Variants in DGKH observed in about 807,000 individuals in gnomAD.
The protein encoded by DGKH is diacylglycerol kinase eta, also known as DAG kinase eta.
Under a neutral mutation model 159.3 loss-of-function variants are expected in DGKH, and 90 were observed. The ratio of observed to expected loss-of-function variants is 0.57; its 90% CI spans 0.48 to 0.67. DGKH has a LOEUF of 0.67. Among genes scored for constraint, DGKH ranks in the 30% least tolerant of loss-of-function variants. DGKH has a pLI of 0.00. For synonymous variants in DGKH, 536 were observed against 553.8 expected, an observed-to-expected ratio of 0.97 and a Z score of 0.45; for missense variants, 1,181 against 1,506.1, an observed-to-expected ratio of 0.78 and a Z score of 3.57.
At chr13:42,070,466 G>A (rs1882888712) in intron 1 of DGKH, 3 of 1,285,798 alleles carry the variant, frequency 2.3e-6, no homozygotes, top group Non-Finnish European at 3.4e-6. Flanking sequence ...AATGGCTTTA[G>A]TATAATTATT....
In DGKH at chr13:42,230,138, C is replaced by G. The variant is rs1958249402; in HGVS notation, c.*950C>G. 1 of 151,928 alleles carries G rather than the reference C, an allele frequency of 6.6e-6. No homozygotes were observed. Among genetic ancestry groups the G allele is most frequent in the Non-Finnish European group, 1.5e-5 (1 of 67,956 alleles). The allele number at this position is 151,928 out of a possible 1,614,324, so 9.4% of individuals were successfully genotyped here. Reference sequence around the variant, plus strand: ...AAACCAAAATTTCCACATTTTGTTTCTAATTTTTAATTTCAATTTAATAAT... The same window carrying G: ...AAACCAAAATTTCCACATTTTGTTTGTAATTTTTAATTTCAATTTAATAAT... On this transcript the variant is annotated 3_prime_UTR_variant, in exon 30 of 30. Coordinates refer to ENST00000337343, the MANE Select transcript of DGKH (RefSeq NM_178009.5).
chr13:42,179,125 T>C lies in DGKH; in HGVS notation c.1538+905T>C, dbSNP rs80014698. 3.6e-3 allele frequency among the ~76,000 whole-genome samples: 547 copies of C among 152,326 alleles called. 8 individuals carry two copies. The East Asian group carries it at 0.048, about 13-fold the overall frequency. ...ATTCCCCAGAAATAGGAAGCAGGAC[T>C]GCACAACAGGAAAAGAATTGAATGG... On this transcript the variant is annotated intron_variant, in intron 13 of 29. Transcript: ENST00000337343.
intron 1 of DGKH, among the ~76,000 whole-genome samples, chr13:42,053,536 GTA>G (rs898503033): frequency 5.8e-5 from 3 of 51,878 alleles, no homozygotes; most frequent in Non-Finnish European, 1.2e-4. Context: ...AACTATATAT[GTA>G]TATATATAAC....
chr13:42,060,564 A>C (rs1282148619), intron 1 of DGKH, among the ~76,000 whole-genome samples: 3 of 152,158 alleles, frequency 2.0e-5, no homozygotes, highest in African/African-American at 7.2e-5. Context: ...CTCGTATAGA[A>C]GGGATTGACT....
intron 30 of DGKH, chr13:42,256,125 C>T (rs954194780): frequency 4.2e-6 from 5 of 1,179,128 alleles, no homozygotes; most frequent in Non-Finnish European, 6.4e-6. Context: ...GTGAACCCTA[C>T]TCAGTGTGAA....
chr13:42,078,498 C>G (rs1022879614), intron 1 of DGKH, among the ~76,000 whole-genome samples: 36 of 152,286 alleles, frequency 2.4e-4, no homozygotes, highest in African/African-American at 7.5e-4. Flanking sequence ...TCACTTTCAC[C>G]TTTCAAATCT....
At chr13:42,227,110 G>T (rs1958153039) in intron 29 of DGKH, among the ~76,000 whole-genome samples, 1 of 152,108 alleles carries the variant, frequency 6.6e-6, no homozygotes, top group Non-Finnish European at 1.5e-5. Context: ...CTGTTGTGGG[G>T]GCAGAAGGAG....
At chr13:42,123,937 T>C (rs1163088924) in intron 1 of DGKH, among the ~76,000 whole-genome samples, 1 of 152,210 alleles carries the variant, frequency 6.6e-6, no homozygotes, top group African/African-American at 2.4e-5. Context: ...GTGGCGAATA[T>C]GTTCAGTATC....
intron 3 of DGKH, 110 bp from the exon 4 acceptor site, chr13:42,155,180 TA>T: frequency 1.2e-6 from 1 of 843,664 alleles, no homozygotes; most frequent in Non-Finnish European, 1.8e-6. Context: ...TACAAAAACG[TA>T]AGAAATAAAG....
intron 1 of DGKH, among the ~76,000 whole-genome samples, chr13:42,065,680 G>A (rs780468129): frequency 3.3e-5 from 5 of 152,126 alleles, no homozygotes; most frequent in Non-Finnish European, 7.4e-5. Flanking sequence ...AGGGAGAGGC[G>A]AATATGAGCA....
intron 1 of DGKH, among the ~76,000 whole-genome samples, chr13:42,071,570 A>G (rs1167529050): frequency 5.3e-5 from 8 of 152,148 alleles, no homozygotes; most frequent in Non-Finnish European, 8.8e-5. Context: ...GGTAAGCACT[A>G]TTTGCGTTTT....
chr13:42,090,512 A>G (rs545226818), intron 1 of DGKH, among the ~76,000 whole-genome samples: 1 of 152,344 alleles, frequency 6.6e-6, no homozygotes, highest in East Asian at 1.9e-4. Context: ...ATAAACTACA[A>G]TAATGCAAAG....
chr13:42,205,251 A>G (rs1332896129), intron 20 of DGKH, among the ~76,000 whole-genome samples: 1 of 152,206 alleles, frequency 6.6e-6, no homozygotes, highest in Non-Finnish European at 1.5e-5. Context: ...TAACATAATT[A>G]TGCTCATTTT....
chr13:42,062,501 GTA>G (rs1882256619), intron 1 of DGKH, among the ~76,000 whole-genome samples: 1 of 152,254 alleles, frequency 6.6e-6, no homozygotes, highest in East Asian at 1.9e-4. Context: ...TTATAAAGTC[GTA>G]TTACCAGCGG....
In DGKH at chr13:42,238,336, T is replaced by G. The variant is rs958097862; in HGVS notation, c.*9148T>G. ...TAGTAGCATTTGTACCAGAGTAGAT[T>G]ATGGGTATTTTCATCTGTTATATTA... is the stretch of plus-strand genomic sequence containing the variant. On this transcript the variant is annotated 3_prime_UTR_variant, in exon 30 of 30. Coordinates refer to ENST00000337343, the MANE Select transcript of DGKH (RefSeq NM_178009.5). 1.3e-5 allele frequency: 2 copies of G among 152,130 alleles called. No individual in the cohort carries two copies. Among genetic ancestry groups the G allele is most frequent in the Non-Finnish European group, 2.9e-5 (2 of 68,014 alleles). The allele number at this position is 152,130 out of a possible 1,614,324, so 9.4% of individuals were successfully genotyped here.
chr13:42,045,908 TAC>T (rs1880770457), upstream of DGKH, among the ~76,000 whole-genome samples: 1 of 152,222 alleles, frequency 6.6e-6, no homozygotes, highest in South Asian at 2.1e-4. Flanking sequence ...TAGAAAATAA[TAC>T]ACGAATATTC....
chr13:42,075,412 A>G (rs1391591749), intron 1 of DGKH, among the ~76,000 whole-genome samples: 5 of 152,200 alleles, frequency 3.3e-5, no homozygotes, highest in African/African-American at 1.2e-4. Flanking sequence ...CAGGACATCA[A>G]TGAATATGAG....
At chr13:42,116,432 C>T (rs1354744641) in intron 1 of DGKH, among the ~76,000 whole-genome samples, 1 of 152,154 alleles carries the variant, frequency 6.6e-6, no homozygotes, top group Non-Finnish European at 1.5e-5. Flanking sequence ...GGAGGTCATG[C>T]TGGGACATGA....
At position 42,238,484 on chromosome 13, in the gene DGKH, T is replaced by A. The variant is rs1179181973; in HGVS notation, c.*9296T>A. 6.6e-6 allele frequency: 1 copy of A among 152,166 alleles called. No individual in the cohort carries two copies. 9.4% of individuals were successfully genotyped at this position (152,166 alleles called of 1,614,324 possible). On this transcript the variant is annotated 3_prime_UTR_variant, in exon 30 of 30. Transcript: ENST00000337343. ...ACAATTTTATAGATGTGAATATATG[T>A]TTTTTAAAGTTAAGTCCTTCATATC...
Sources: allele counts gnomAD v4.1 joint callset (sites outside exome capture counted in the v4.1 genomes callset), GRCh38; gene constraint gnomAD v4.1.1; transcripts MANE v1.5; gene names NCBI Gene and HGNC (gene_info 2026-07-23, HGNC 2026-07-21).